NBAS: variants seen among roughly 807,000 people sequenced by gnomAD.
The protein encoded by NBAS is NBAS subunit of NRZ tethering complex.
Under a neutral mutation model 302.5 loss-of-function variants are expected in NBAS, and 219 were observed. The observed-to-expected ratio is 0.72, with a 90% confidence interval of 0.65 to 0.81. The LOEUF is 0.81. Ranked by LOEUF, NBAS falls within the 30% of genes least tolerant of loss-of-function variation. NBAS has a pLI of 0.00. For synonymous variants in NBAS, 1,118 were observed against 1,021.6 expected, an observed-to-expected ratio of 1.09 and a Z score of -1.80; for missense variants, 2,932 against 2,841.6, an observed-to-expected ratio of 1.03 and a Z score of -0.72.
the NBAS span, among the ~76,000 whole-genome samples, chr2:15,004,752 AC>A: frequency 1.5e-5 from 2 of 134,292 alleles, no homozygotes; most frequent in African/African-American, 5.7e-5. Context: ...CAAGCGATCC[AC>A]CCCCCCTTGG....
chr2:15,465,493 T>A (rs1022127392), intron 19 of NBAS, among the ~76,000 whole-genome samples: 1 of 152,224 alleles, frequency 6.6e-6, no homozygotes, highest in Non-Finnish European at 1.5e-5. Flanking sequence ...TGGCACAATA[T>A]CTTGCGTTTA....
At chr2:14,915,800 T>C in the NBAS span, among the ~76,000 whole-genome samples, 3 of 152,146 alleles carry the variant, frequency 2.0e-5, 1 homozygote, top group Admixed American at 6.5e-5. Context: ...GACCTCATGA[T>C]CTGCCCATCT....
intron 40 of NBAS, among the ~76,000 whole-genome samples, chr2:15,293,500 A>C (rs1420418336): frequency 6.6e-6 from 1 of 152,176 alleles, no homozygotes; most frequent in Non-Finnish European, 1.5e-5. Flanking sequence ...ACATTTATTT[A>C]TATTAAAGTT....
chr2:15,098,296 A>ATGATATATTGTATATAATATAT, the NBAS span, among the ~76,000 whole-genome samples: 3 of 9,602 alleles, frequency 3.1e-4, 1 homozygote, highest in African/African-American at 2.3e-3. Flanking sequence ...TATATTATAT[A>ATGATATATTGTATATAATATAT]CAATATATAA....
At chr2:14,941,631 G>T in the NBAS span, among the ~76,000 whole-genome samples, 1 of 150,090 alleles carries the variant, frequency 6.7e-6, no homozygotes, top group Admixed American at 6.6e-5. Context: ...TCAGGCTGCT[G>T]CTGTGTGTCA....
At chr2:15,541,303 G>A (rs1328116603) in intron 6 of NBAS, among the ~76,000 whole-genome samples, 1 of 152,066 alleles carries the variant, frequency 6.6e-6, no homozygotes, top group Non-Finnish European at 1.5e-5. Flanking sequence ...AGTGATTAAT[G>A]TTTCACTAAC....
At chr2:14,971,440 A>T in the NBAS span, among the ~76,000 whole-genome samples, 2 of 152,176 alleles carry the variant, frequency 1.3e-5, no homozygotes, top group African/African-American at 4.8e-5. Flanking sequence ...ACTTGAACTC[A>T]GGAGACGGAG....
intron 49 of NBAS, among the ~76,000 whole-genome samples, chr2:15,187,185 C>T (rs767417236): frequency 1.8e-4 from 28 of 152,206 alleles, no homozygotes; most frequent in Non-Finnish European, 3.4e-4. Context: ...TTATTTAATA[C>T]TTTTGCCTAG....
At chr2:15,153,234 A>C in the NBAS span, among the ~76,000 whole-genome samples, 2 of 152,264 alleles carry the variant, frequency 1.3e-5, no homozygotes, top group East Asian at 3.8e-4. Context: ...TCAGTGATGC[A>C]GATGTTAACC....
chr2:14,931,048 G>A, the NBAS span, among the ~76,000 whole-genome samples: 2 of 152,274 alleles, frequency 1.3e-5, no homozygotes, highest in East Asian at 1.9e-4. Flanking sequence ...AAGTTCTGGG[G>A]CCCAAAGCCC....
At chr2:15,309,763 T>C (rs73197029) in intron 38 of NBAS, among the ~76,000 whole-genome samples, 5,191 of 152,304 alleles carry the variant, frequency 0.034, 264 homozygotes, top group African/African-American at 0.11. Context: ...AATCAGTCTT[T>C]CATTTTGCTT....
the NBAS span, among the ~76,000 whole-genome samples, chr2:14,896,529 T>G: frequency 1.3e-5 from 2 of 152,120 alleles, no homozygotes; most frequent in African/African-American, 4.8e-5. Flanking sequence ...AAGCCGATCC[T>G]AAGCGCAAGG....
intron 9 of NBAS, among the ~76,000 whole-genome samples, chr2:15,520,562 C>T (rs1662615402): frequency 1.3e-5 from 2 of 151,806 alleles, no homozygotes; most frequent in Non-Finnish European, 1.5e-5. Context: ...ATATTTTAGG[C>T]TCTGTGGGCC....
intron 12 of NBAS, among the ~76,000 whole-genome samples, chr2:15,484,428 C>G (rs925504218): frequency 2.6e-5 from 4 of 152,038 alleles, no homozygotes; most frequent in African/African-American, 7.2e-5. Context: ...AGCACCATTC[C>G]CACCCATTTA....
At chr2:15,054,029 G>A in the NBAS span, among the ~76,000 whole-genome samples, 14 of 152,032 alleles carry the variant, frequency 9.2e-5, no homozygotes, top group African/African-American at 3.4e-4. Flanking sequence ...AAAACCAATC[G>A]AGATCATTGC....
chr2:14,884,481 T>C, the NBAS span, among the ~76,000 whole-genome samples: 5 of 152,050 alleles, frequency 3.3e-5, no homozygotes, highest in Admixed American at 1.3e-4. Context: ...AAGAAGAGGG[T>C]AGGCTGAGGG....
At chr2:14,847,873 A>C in the NBAS span, among the ~76,000 whole-genome samples, 1 of 152,226 alleles carries the variant, frequency 6.6e-6, no homozygotes, top group Non-Finnish European at 1.5e-5. Flanking sequence ...GACAGGCCAT[A>C]TGTTAGGTCA....
intron 1 of NBAS, 27 bp from the exon 2 acceptor site, chr2:15,558,661 C>T (rs1664762489): frequency 3.2e-6 from 5 of 1,566,540 alleles, no homozygotes; most frequent in African/African-American, 2.7e-5. Context: ...AAAACACTTA[C>T]ATTTGAATCT....
chr2:14,935,092 G>T, the NBAS span, among the ~76,000 whole-genome samples: 1 of 152,144 alleles, frequency 6.6e-6, no homozygotes, highest in Admixed American at 6.5e-5. Flanking sequence ...CTTAGAGAAT[G>T]ATCTTTTATT....
Sources: gnomAD v4.1 joint callset for allele counts (sites outside exome capture counted in the v4.1 genomes callset) on GRCh38, gnomAD v4.1.1 for gene constraint, MANE v1.5 for transcripts, NCBI Gene and HGNC (gene_info 2026-07-23, HGNC 2026-07-21) for gene names.